The following FBLN1 variants were observed in gnomAD, a reference collection of about 807,000 sequenced individuals.
The protein encoded by FBLN1 is fibulin 1.
Under a neutral mutation model 89.7 loss-of-function variants are expected in FBLN1, and 34 were observed. That is an observed-to-expected ratio of 0.38 (90% CI 0.29 to 0.50). The LOEUF is 0.50. Among genes scored for constraint, FBLN1 ranks in the 20% least tolerant of loss-of-function variants. The probability of loss-of-function intolerance (pLI) is 0.92; values close to 1 mark genes in which losing one functional copy is unlikely to be tolerated. For synonymous variants in FBLN1, 393 were observed against 391.3 expected, an observed-to-expected ratio of 1.00 and a Z score of -0.05; for missense variants, 777 against 988.1, an observed-to-expected ratio of 0.79 and a Z score of 2.86.
chr22:45,587,773 G>T (rs1250680577), intron 16 of FBLN1, among the ~76,000 whole-genome samples: 1 of 152,174 alleles, frequency 6.6e-6, no homozygotes, highest in African/African-American at 2.4e-5. Context: ...CTGGACTGTA[G>T]CCGTGACATT....
intron 11 of FBLN1, 133 bp from the exon 12 acceptor site, chr22:45,546,952 G>T (rs1569249744): frequency 5.6e-6 from 8 of 1,419,694 alleles, no homozygotes; most frequent in Non-Finnish European, 7.8e-6. Context: ...CACACCCCCC[G>T]GGACCTCTGT....
In FBLN1 at chr22:45,563,283, G is replaced by C. The variant is rs761904513; in HGVS notation, c.1698-11228G>C. Reference sequence around the variant, plus strand: ...GAGCTCTGAGCACTCGCTTCGCGTCGCGGGGTCTCCCTCCTGTTGCTTTCC... The same window carrying C: ...GAGCTCTGAGCACTCGCTTCGCGTCCCGGGGTCTCCCTCCTGTTGCTTTCC... On this transcript the variant is annotated intron_variant, in intron 14 of 16. Transcript: ENST00000327858. This position sits in a 1 kb window ranked among gnomAD's most constrained non-coding sequence, Gnocchi z 5.7. 1 of 1,613,328 alleles carries C rather than the reference G, an allele frequency of 6.2e-7. No individual in the cohort carries two copies. The highest frequency in any genetic ancestry group is 8.5e-7 in the Non-Finnish European group (1 of 1,180,024).
chr22:45,533,481 TG>T (rs1338866095), intron 6 of FBLN1, among the ~76,000 whole-genome samples: 1 of 152,122 alleles, frequency 6.6e-6, no homozygotes, highest in Non-Finnish European at 1.5e-5. Context: ...GTCTGTGAGA[TG>T]GGGGAGATGG....
rs895325761 is a variant in FBLN1 at position 45,531,475 on chromosome 22, G to A, written c.544+151G>A. The A allele has an allele frequency of 1.9e-5, 13 of 688,124 alleles. No individual in the cohort carries two copies. In the East Asian group the frequency reaches 3.5e-4, roughly 18 times the overall value. The allele number at this position is 688,124 out of a possible 1,614,324, so 42.6% of individuals were successfully genotyped here. A position where few individuals can be genotyped will look rare whatever the true frequency, so the allele number is the denominator to read the frequency against. Reference sequence around the variant, plus strand: ...GTTGTGGCTGCAGTGAGCTATGACTGCACCTTTGCACTCTAGCCTGGGCAA... The same window carrying A: ...GTTGTGGCTGCAGTGAGCTATGACTACACCTTTGCACTCTAGCCTGGGCAA... On this transcript the variant is annotated intron_variant, in intron 5 of 16. Coordinates refer to ENST00000327858, the MANE Select transcript of FBLN1 (RefSeq NM_006486.3). The surrounding 1 kb of genome is among the most constrained non-coding windows in gnomAD (Gnocchi z 4.9).
At chr22:45,595,015 A>G (rs2089172778) in intron 16 of FBLN1, among the ~76,000 whole-genome samples, 1 of 152,208 alleles carries the variant, frequency 6.6e-6, no homozygotes, top group Non-Finnish European at 1.5e-5. Flanking sequence ...GACCAGCTGA[A>G]CTGTTAAGGT....
chr22:45,554,276 C>T (rs887595409), intron 14 of FBLN1, among the ~76,000 whole-genome samples: 1 of 152,228 alleles, frequency 6.6e-6, no homozygotes, highest in Non-Finnish European at 1.5e-5. Context: ...ATGCTCCTCC[C>T]CCAGTTCACG....
intron 1 of FBLN1, among the ~76,000 whole-genome samples, chr22:45,514,570 T>C (rs1022912684): frequency 1.3e-5 from 2 of 152,160 alleles, no homozygotes; most frequent in Non-Finnish European, 2.9e-5. Context: ...GGGATTTTCC[T>C]GGGGGTCACT....
At chr22:45,568,528 T>TGTAGGGGAATGCTC (rs2088919696) in intron 14 of FBLN1, among the ~76,000 whole-genome samples, 1 of 116,226 alleles carries the variant, frequency 8.6e-6, no homozygotes, top group African/African-American at 5.1e-5. Flanking sequence ...GGGGAATGCC[T>TGTAGGGGAATGCTC]CTTCTGTAGG....
intron 7 of FBLN1, 26 bp downstream of exon 7, chr22:45,533,924 A>G: frequency 6.2e-7 from 1 of 1,613,416 alleles, no homozygotes; most frequent in Non-Finnish European, 8.5e-7. Flanking sequence ...CGAGTCTGCA[A>G]ACCTGGTCTT....
At position 45,576,764 on chromosome 22, in the gene FBLN1, C is replaced by A. The variant is rs2089000695; in HGVS notation, c.1841-213C>A. Among the ~76,000 whole-genome samples the A allele has an allele frequency of 6.6e-6, 1 of 152,208 alleles. No individual in the cohort carries two copies. The highest frequency in any genetic ancestry group is 2.1e-4 in the South Asian group (1 of 4,828). On this transcript the variant is annotated intron_variant, in intron 15 of 16. Transcript: ENST00000327858. This position sits in a 1 kb window ranked among gnomAD's most constrained non-coding sequence, Gnocchi z 5.2. ...CCAAAATCTCTCCTGACTTCAGTTT[C>A]CCCTGCTATAAAACAGGGATGGGCT...
chr22:45,528,452 CT>C (rs766791089), intron 4 of FBLN1, among the ~76,000 whole-genome samples: 95 of 152,048 alleles, frequency 6.2e-4, no homozygotes, highest in Non-Finnish European at 8.4e-4. Flanking sequence ...TCAAGTGATT[CT>C]TGTGCCTCAG....
chr22:45,531,178 G>A lies in FBLN1; in HGVS notation c.485-87G>A. ...TTCAAATGGGCATTACTGCCTGATA[G>A]TGACAAGAAGAGAGAATGTTGGGAG... On this transcript the variant is annotated intron_variant, in intron 4 of 16. Coordinates refer to ENST00000327858, the MANE Select transcript of FBLN1 (RefSeq NM_006486.3). This position sits in a 1 kb window ranked among gnomAD's most constrained non-coding sequence, Gnocchi z 4.9. 3 of 1,166,770 alleles carry A rather than the reference G, an allele frequency of 2.6e-6. No homozygotes were observed. Among genetic ancestry groups the A allele is most frequent in the South Asian group, 1.2e-5 (1 of 81,694 alleles). The allele number at this position is 1,166,770 out of a possible 1,614,324, so 72.3% of individuals were successfully genotyped here. A position where few individuals can be genotyped will look rare whatever the true frequency, so the allele number is the denominator to read the frequency against.
At chr22:45,553,163 C>T (rs2088727991) in intron 14 of FBLN1, among the ~76,000 whole-genome samples, 1 of 152,226 alleles carries the variant, frequency 6.6e-6, no homozygotes, top group South Asian at 2.1e-4. Flanking sequence ...CCACAAGCAC[C>T]TGGGGTGGCC....
chr22:45,537,638 A>G lies in FBLN1; in HGVS notation c.922+2301A>G, dbSNP rs554339806. Among the ~76,000 whole-genome samples, 39 of 151,846 alleles carry G rather than the reference A, an allele frequency of 2.6e-4. No individual in the cohort carries two copies. The highest frequency in any genetic ancestry group is 8.2e-4 in the African/African-American group (34 of 41,386). ...CTGTGTCAAAAAAAAAAAAAAAGAT[A>G]AAAAGACAAGTGGAACAGTGAGCCC... On this transcript the variant is annotated intron_variant, in intron 8 of 16. Transcript: ENST00000327858. This position sits in a 1 kb window ranked among gnomAD's most constrained non-coding sequence, Gnocchi z 5.7.
chr22:45,591,808 G>A (rs1342088409), intron 16 of FBLN1, among the ~76,000 whole-genome samples: 4 of 89,122 alleles, frequency 4.5e-5, no homozygotes, highest in Admixed American at 2.0e-4. Flanking sequence ...CAGACAGGAG[G>A]GAGGAAGTGT....
At chr22:45,558,259 C>A (rs1364284605) in intron 14 of FBLN1, 3 of 521,020 alleles carry the variant, frequency 5.8e-6, no homozygotes, top group Admixed American at 2.9e-5. Flanking sequence ...CTGTTCATGA[C>A]CAACTTTATG....
At chr22:45,551,095 G>T (rs959599534) in intron 14 of FBLN1, 1 of 259,998 alleles carries the variant, frequency 3.8e-6, no homozygotes, top group Non-Finnish European at 7.5e-6. Context: ...CCTGGTGACC[G>T]TGTGGGAACG....
rs1434190227 is a variant in FBLN1, at chr22:45,537,478, G to T, written c.922+2141G>T. Among the ~76,000 whole-genome samples, 1 of 152,152 alleles carries T rather than the reference G, an allele frequency of 6.6e-6. No homozygotes were observed. Among genetic ancestry groups the T allele is most frequent in the Non-Finnish European group, 1.5e-5 (1 of 68,030 alleles). On this transcript the variant is annotated intron_variant, in intron 8 of 16. Coordinates refer to ENST00000327858, the MANE Select transcript of FBLN1 (RefSeq NM_006486.3). The surrounding 1 kb of genome is among the most constrained non-coding windows in gnomAD (Gnocchi z 5.7). The stretch of plus-strand genomic sequence containing the variant: ...TACTAAAAATACAAAAATTAGCCGG[G>T]TGTGGTGGTGGGCACCTTGTAATCC...
At chr22:45,533,734 C>A (rs16994211) in intron 6 of FBLN1, 27 bp from the exon 7 acceptor site, 13 of 1,606,492 alleles carry the variant, frequency 8.1e-6, no homozygotes, top group African/African-American at 2.7e-5. Flanking sequence ...TTGCTGGTCA[C>A]CCCCGCACTG....
Sources: allele counts gnomAD v4.1 joint callset (sites outside exome capture counted in the v4.1 genomes callset), GRCh38; gene constraint gnomAD v4.1.1; non-coding constraint Gnocchi (gnomAD v3.1); transcripts MANE v1.5; gene names NCBI Gene and HGNC (gene_info 2026-07-23, HGNC 2026-07-21).